The following UTP14C variants were observed in gnomAD, a reference collection of about 807,000 sequenced individuals.
UTP14C encodes the protein U3 small nucleolar RNA-associated protein 14 homolog C.
Under a neutral mutation model 14.6 loss-of-function variants are expected in UTP14C, and 10 were observed. The ratio of observed to expected loss-of-function variants is 0.68; its 90% confidence interval spans 0.42 to 1.16. The LOEUF (loss-of-function observed/expected upper bound fraction) is 1.16, where lower values mean the gene tolerates loss of function less well. UTP14C is among the 50% of genes most tolerant of loss of function. The pLI is 0.00. For synonymous variants in UTP14C, 315 were observed against 331.6 expected, an observed-to-expected ratio of 0.95 and a Z score of 0.54; for missense variants, 818 against 890.8, an observed-to-expected ratio of 0.92 and a Z score of 1.04.
chr13:52,030,593 G>A lies in UTP14C; in HGVS notation c.1789G>A (p.Ala597Thr). ...ERDQRQMIKE[A>T]FAGDDVIRDF... ...AGACCAAAGGCAGATGATAAAGGAAGCTTTTGCTGGGGATGATGTCATCAG... is the reference window on the plus strand; with the variant it reads ...AGACCAAAGGCAGATGATAAAGGAAACTTTTGCTGGGGATGATGTCATCAG... Residue 597 changes from alanine to threonine, a missense_variant, in exon 2 of 2, where the codon GCT becomes ACT. Ala to Thr is a moderately conservative substitution (Grantham distance 58). Transcript: ENST00000521776. 1 of 1,614,218 alleles carries A rather than the reference G, an allele frequency of 6.2e-7. No individual in the cohort carries two copies. The highest frequency in any genetic ancestry group is 1.1e-5 in the South Asian group (1 of 91,084).
intron 1 of UTP14C, among the ~76,000 whole-genome samples, chr13:52,026,071 CA>C (rs1367066058): frequency 2.0e-5 from 3 of 152,260 alleles, no homozygotes; most frequent in Non-Finnish European, 4.4e-5. Context: ...ACAGGCTACA[CA>C]GGCAAGTGCC....
At chr13:52,027,996 G>A (rs1485336368) in intron 1 of UTP14C, among the ~76,000 whole-genome samples, 1 of 151,818 alleles carries the variant, frequency 6.6e-6, no homozygotes. Flanking sequence ...GGTAGCTCAC[G>A]CTGGTAAATC....
chr13:52,027,704 T>C (rs919010785), intron 1 of UTP14C, among the ~76,000 whole-genome samples: 2 of 152,256 alleles, frequency 1.3e-5, no homozygotes, highest in African/African-American at 4.8e-5. Flanking sequence ...TGCAGTAGTC[T>C]CAAATATGCC....
In UTP14C at chr13:52,031,242, A is replaced by G. The variant is rs750800899; in HGVS notation, c.*137A>G. On this transcript the variant is annotated 3_prime_UTR_variant, in exon 2 of 2. Transcript: ENST00000521776. Reference sequence around the variant, plus strand: ...TGAGCCACATTTTTTAAAAAAAGAAAATGGATGACCATTAATTGACTAGCA... The same window carrying G: ...TGAGCCACATTTTTTAAAAAAAGAAGATGGATGACCATTAATTGACTAGCA... 1 of 1,285,278 alleles carries G rather than the reference A, an allele frequency of 7.8e-7. No homozygotes were observed. The highest frequency in any genetic ancestry group is 1.1e-6 in the Non-Finnish European group (1 of 948,074). 79.6% of individuals were successfully genotyped at this position (1,285,278 alleles called of 1,614,324 possible).
At chr13:52,027,885 C>G (rs1234877034) in intron 1 of UTP14C, among the ~76,000 whole-genome samples, 1 of 152,096 alleles carries the variant, frequency 6.6e-6, no homozygotes, top group Admixed American at 6.5e-5. Context: ...CTAACATTCT[C>G]TAGTCTTCTT....
chr13:52,024,942 G>A lies in UTP14C; in HGVS notation c.-487+5G>A. 4 of 1,606,606 alleles carry A rather than the reference G, an allele frequency of 2.5e-6. No individual in the cohort carries two copies. Among genetic ancestry groups the A allele is most frequent in the African/African-American group, 1.3e-5 (1 of 75,050 alleles). On this transcript the variant is annotated splice_donor_5th_base_variant and intron_variant, in intron 1 of 1. Coordinates refer to ENST00000521776, the MANE Select transcript of UTP14C (RefSeq NM_021645.6). ...GGAACGAGCATTTTGGGATTGGTGA[G>A]TTTGGCCTTTAAACAACTTGTTTGG... is the stretch of plus-strand genomic sequence containing the variant.
chr13:52,024,703 T>C lies in UTP14C; in HGVS notation c.-721T>C. ...ATTGCAGATCAGAGCCTTTGCTAAA[T>C]TGCTGAATAAGAAGATGGTTGAGTC... is the stretch of plus-strand genomic sequence containing the variant. On this transcript the variant is annotated 5_prime_UTR_variant, in exon 1 of 2. Transcript: ENST00000521776. The C allele has an allele frequency of 6.2e-7, 1 of 1,614,222 alleles. No individual in the cohort carries two copies. The highest frequency in any genetic ancestry group is 1.1e-5 in the South Asian group (1 of 91,084).
chr13:52,030,768 G>T lies in UTP14C; in HGVS notation c.1964G>T (p.Gly655Val). The T allele has an allele frequency of 6.2e-7, 1 of 1,614,184 alleles. No homozygotes were observed. The highest frequency in any genetic ancestry group is 8.5e-7 in the Non-Finnish European group (1 of 1,180,032). Reference sequence around the variant, plus strand: ...CAGTTTCTCATTAAAGCCCCTGAGGGTCCTCCAAGAAAAGATAAGAATTTG... The same window carrying T: ...CAGTTTCTCATTAAAGCCCCTGAGGTTCCTCCAAGAAAAGATAAGAATTTG... Reference protein sequence around the residue: ...RRQFLIKAPEGPPRKDKNLPN... With the variant: ...RRQFLIKAPEVPPRKDKNLPN... Residue 655 changes from glycine to valine, a missense_variant, in exon 2 of 2, where the codon GGT becomes GTT. Coordinates refer to ENST00000521776, the MANE Select transcript of UTP14C (RefSeq NM_021645.6).
rs1215640484 is a variant in UTP14C, at chr13:52,031,611, T to C, written c.*506T>C. ...CAGCCTGGAAGTCAGCTTTAAGTCATTCAAGAGAACCTCAGGCTGTTTTTC... is the reference window on the plus strand; with the variant it reads ...CAGCCTGGAAGTCAGCTTTAAGTCACTCAAGAGAACCTCAGGCTGTTTTTC... On this transcript the variant is annotated 3_prime_UTR_variant, in exon 2 of 2. Transcript: ENST00000521776. 5.8e-6 allele frequency: 1 copy of C among 172,184 alleles called. No individual in the cohort carries two copies. Among genetic ancestry groups the C allele is most frequent in the Non-Finnish European group, 1.4e-5 (1 of 71,022 alleles). 10.7% of individuals were successfully genotyped at this position (172,184 alleles called of 1,614,324 possible). A position where few individuals can be genotyped will look rare whatever the true frequency, so the allele number is the denominator to read the frequency against.
rs1366423199 is a variant in UTP14C at position 52,030,441 on chromosome 13, C to A, written c.1637C>A (p.Ala546Asp). The change falls in exon 2 of 2, where the codon GCC becomes GAC. Residue 546 changes from alanine to aspartate, a missense_variant. Physicochemically the swap from Ala to Asp is moderately radical, Grantham distance 126 (BLOSUM62 -2). Transcript: ENST00000521776. Reference sequence around the variant, plus strand: ...AGGACCCCAAATAATCGGCCTGATGCCCCTAAGGAGAAGAAAGAGAAGGAG... The same window carrying A: ...AGGACCCCAAATAATCGGCCTGATGACCCTAAGGAGAAGAAAGAGAAGGAG... ...SERTPNNRPD[A>D]PKEKKEKEQL... 6.2e-7 allele frequency: 1 copy of A among 1,614,158 alleles called. No homozygotes were observed. Among genetic ancestry groups the A allele is most frequent in the Non-Finnish European group, 8.5e-7 (1 of 1,180,036 alleles).
chr13:52,030,310 G>A lies in UTP14C; in HGVS notation c.1506G>A (p.Arg502=), dbSNP rs539157167. 2.0e-4 allele frequency: 318 copies of A among 1,614,100 alleles called. No homozygotes were observed. The highest frequency in any genetic ancestry group is 2.5e-4 in the Non-Finnish European group (295 of 1,180,042). The change falls in exon 2 of 2, where the codon AGG becomes AGA. Residue 502 remains arginine (R), a synonymous_variant. Coordinates refer to ENST00000521776, the MANE Select transcript of UTP14C (RefSeq NM_021645.6). ...AAGCGGAACCCCTATTGCTACAGAGGTCAGAGAGAGTACAAACTCTGGAAG... is the reference window on the plus strand; with the variant it reads ...AAGCGGAACCCCTATTGCTACAGAGATCAGAGAGAGTACAAACTCTGGAAG... ...PEEAEPLLLQ[R]SERVQTLEEL... is the part of the protein sequence containing the mutation.
chr13:52,029,671 A>T lies in UTP14C; in HGVS notation c.867A>T (p.Arg289Ser). ...AAATGGAAAAAATTGAAAATGCCAG[A>T]ATGATGGAAAGAATGAGCCTTAAGC... ...LEEMEKIENA[R>S]MMERMSLKHQ... Residue 289 changes from arginine (R) to serine (S), a missense_variant, in exon 2 of 2, where the codon AGA becomes AGT. Transcript: ENST00000521776. The T allele has an allele frequency of 6.2e-7, 1 of 1,614,250 alleles. No individual in the cohort carries two copies. The highest frequency in any genetic ancestry group is 8.5e-7 in the Non-Finnish European group (1 of 1,180,042).
chr13:52,033,151 T>C lies in UTP14C; in HGVS notation c.*2046T>C, dbSNP rs1954321705. 1 of 167,146 alleles carries C rather than the reference T, an allele frequency of 6.0e-6. No homozygotes were observed. Among genetic ancestry groups the C allele is most frequent in the African/African-American group, 2.4e-5 (1 of 41,474 alleles). 10.4% of individuals were successfully genotyped at this position (167,146 alleles called of 1,614,324 possible). On this transcript the variant is annotated 3_prime_UTR_variant, in exon 2 of 2. Transcript: ENST00000521776. ...TCCTAATTTGGTATTACATGTATTC[T>C]ATTTTTTTCTGAATGATAGCATGAA... is the stretch of plus-strand genomic sequence containing the variant.
chr13:52,030,550 G>T lies in UTP14C; in HGVS notation c.1746G>T (p.Leu582=). 6.2e-7 allele frequency: 1 copy of T among 1,614,138 alleles called. No individual in the cohort carries two copies. Among genetic ancestry groups the T allele is most frequent in the Non-Finnish European group, 8.5e-7 (1 of 1,180,036 alleles). Residue 582 remains leucine, a synonymous_variant, in exon 2 of 2, where the codon CTG becomes CTT. Coordinates refer to ENST00000521776, the MANE Select transcript of UTP14C (RefSeq NM_021645.6). ...SLAVPTIIEE[L]EDEEERDQRQ... ...CAGTTCCCACAATAATAGAGGAGCTGGAAGATGAAGAGGAGAGAGACCAAA... is the reference window on the plus strand; with the variant it reads ...CAGTTCCCACAATAATAGAGGAGCTTGAAGATGAAGAGGAGAGAGACCAAA...
In UTP14C at chr13:52,028,670, C is replaced by T. The variant is rs749248865; in HGVS notation, c.-135C>T. The stretch of plus-strand genomic sequence containing the variant: ...ATGTAAATATTTTTCTAAATTCAAT[C>T]TCATTTGTCAAATCATTTTACTTTA... On this transcript the variant is annotated 5_prime_UTR_variant, in exon 2 of 2. Coordinates refer to ENST00000521776, the MANE Select transcript of UTP14C (RefSeq NM_021645.6). The T allele has an allele frequency of 3.5e-5, 55 of 1,556,996 alleles. No homozygotes were observed. Among genetic ancestry groups the T allele is most frequent in the Non-Finnish European group, 4.7e-5 (54 of 1,139,676 alleles).
chr13:52,029,713 A>C lies in UTP14C; in HGVS notation c.909A>C (p.Lys303Asn). 1 of 1,614,224 alleles carries C rather than the reference A, an allele frequency of 6.2e-7. No homozygotes were observed. Among genetic ancestry groups the C allele is most frequent in the South Asian group, 1.1e-5 (1 of 91,088 alleles). ...RMSLKHQNSGKWAKSKAIMAK... is the reference protein window; with the variant it reads ...RMSLKHQNSGNWAKSKAIMAK... ...GCCTTAAGCACCAAAACAGTGGGAA[A>C]TGGGCCAAGTCAAAGGCAATTATGG... Residue 303 changes from lysine to asparagine, a missense_variant, in exon 2 of 2, where the codon AAA (lysine) becomes AAC (asparagine). Physicochemically the swap from Lys to Asn is moderately conservative, Grantham distance 94. Transcript: ENST00000521776.
Position 52,028,925 on chromosome 13 carries a change from A to G in UTP14C, c.121A>G (p.Lys41Glu). Residue 41 changes from lysine to glutamate, a missense_variant, in exon 2 of 2, where the codon AAG becomes GAG. Physicochemically the swap from Lys to Glu is moderately conservative, Grantham distance 56. Transcript: ENST00000521776. ...TGAGGGGGACAGTGATGGAGAGAGA[A>G]AGCATCAAAAGCTTCTGGAAGCAAT... ...EDEGDSDGER[K>E]HQKLLEAIIS... The G allele has an allele frequency of 1.2e-6, 2 of 1,614,222 alleles. No individual in the cohort carries two copies. The highest frequency in any genetic ancestry group is 1.7e-6 in the Non-Finnish European group (2 of 1,180,042).
rs138196298 is a variant in UTP14C at position 52,025,514 on chromosome 13, A to T, written c.-487+577A>T. 5.9e-3 allele frequency among the ~76,000 whole-genome samples: 899 copies of T among 152,344 alleles called. 10 individuals carry two copies. Among genetic ancestry groups the T allele is most frequent in the African/African-American group, 0.021 (854 of 41,576 alleles). On this transcript the variant is annotated intron_variant, in intron 1 of 1. Coordinates refer to ENST00000521776, the MANE Select transcript of UTP14C (RefSeq NM_021645.6). The stretch of plus-strand genomic sequence containing the variant: ...TCAAAAGTTGAGAACCACTGTTTGC[A>T]TAGGGGCTTCTCACAGTAACTCTTT...
Position 52,030,535 on chromosome 13 carries a change from A to C in UTP14C, c.1731A>C (p.Thr577=). 6.2e-7 allele frequency: 1 copy of C among 1,614,162 alleles called. No individual in the cohort carries two copies. The highest frequency in any genetic ancestry group is 1.1e-5 in the South Asian group (1 of 91,078). Residue 577 remains threonine (T), a synonymous_variant, in exon 2 of 2, where the codon ACA becomes ACC. Transcript: ENST00000521776. ...SPSVRSLAVP[T]IIEELEDEEE... ...CCGTGAGGTCTTTGGCAGTTCCCAC[A>C]ATAATAGAGGAGCTGGAAGATGAAG... is the stretch of plus-strand genomic sequence containing the variant.
Sources: allele counts gnomAD v4.1 joint callset (sites outside exome capture counted in the v4.1 genomes callset), GRCh38; gene constraint gnomAD v4.1.1; transcripts MANE v1.5; gene names NCBI Gene and HGNC (gene_info 2026-07-23, HGNC 2026-07-21).